The following PHF20L1 variants were observed in gnomAD, a reference collection of about 807,000 sequenced individuals.
PHF20L1 encodes the protein PHD finger protein 20-like protein 1.
PHF20L1 carries 44 observed loss-of-function variants against 125.5 expected under a neutral mutation model. The ratio of observed to expected loss-of-function variants is 0.35; its 90% confidence interval spans 0.28 to 0.45. The LOEUF is 0.45. PHF20L1 is among the 20% of genes least tolerant of loss of function. The probability of loss-of-function intolerance (pLI) is 1.00; values close to 1 mark genes in which losing one functional copy is unlikely to be tolerated. For synonymous variants in PHF20L1, 380 were observed against 403.1 expected (o/e 0.94, Z 0.69); for missense variants, 1,012 against 1,217.2 (o/e 0.83, Z 2.51).
chr8:132,845,676 A>G, intron 20 of PHF20L1, 105 bp from the exon 21 acceptor site: 1 of 758,232 alleles, frequency 1.3e-6, no homozygotes. Flanking sequence ...AAAGATGGGG[A>G]AGTGAACCCT....
chr8:132,843,844 A>C, intron 19 of PHF20L1: 2 of 985,146 alleles, frequency 2.0e-6, no homozygotes, highest in South Asian at 9.4e-5. Context: ...GGAAGAGGCC[A>C]GTCTAAATTA....
At chr8:132,814,163 A>G (rs551440449) in intron 9 of PHF20L1, among the ~76,000 whole-genome samples, 18 of 152,038 alleles carry the variant, frequency 1.2e-4, no homozygotes, top group Admixed American at 5.3e-4. Context: ...CTTTCTTTAA[A>G]GGGAATCTGT....
At chr8:132,824,687 G>A (rs1004873020) in intron 13 of PHF20L1, 1 of 172,696 alleles carries the variant, frequency 5.8e-6, no homozygotes, top group Admixed American at 5.5e-5. Flanking sequence ...ACATATGATT[G>A]GGGAAAAGAA....
In PHF20L1 at chr8:132,846,131, C is replaced by T; in HGVS notation, c.*208C>T. On this transcript the variant is annotated 3_prime_UTR_variant, in exon 21 of 21. Transcript: ENST00000395386. ...ATTTAAAAACAAATTCATGAGCAAG[C>T]TGCAAATGAGAATGTGTTATATGCC... The T allele has an allele frequency of 2.1e-6, 1 of 485,912 alleles. No homozygotes were observed. Among genetic ancestry groups the T allele is most frequent in the South Asian group, 3.5e-5 (1 of 28,644 alleles). The allele number at this position is 485,912 out of a possible 1,614,324, so 30.1% of individuals were successfully genotyped here.
rs1837583497 is a variant in PHF20L1 at position 132,838,270 on chromosome 8, T to C, written c.2191+459T>C. 5 of 177,426 alleles carry C rather than the reference T, an allele frequency of 2.8e-5. No homozygotes were observed. The South Asian group carries it at 6.3e-4, about 22-fold the overall frequency. The allele number at this position is 177,426 out of a possible 1,614,324, so 11.0% of individuals were successfully genotyped here. ...CTGGAGAAGAATTAATTAGCCTCTG[T>C]TCCTCTGTATCCATTTCTAGCTAGG... On this transcript the variant is annotated intron_variant, in intron 17 of 20. Transcript: ENST00000395386.
At chr8:132,812,144 CTT>C (rs1834463719) in intron 9 of PHF20L1, 1 of 979,908 alleles carries the variant, frequency 1.0e-6, no homozygotes, top group Non-Finnish European at 1.2e-6. Context: ...ACGGTTAAGT[CTT>C]TGCCGTTATT....
intron 4 of PHF20L1, among the ~76,000 whole-genome samples, chr8:132,796,019 G>A (rs1032692450): frequency 1.3e-5 from 2 of 152,060 alleles, no homozygotes; most frequent in African/African-American, 4.8e-5. Flanking sequence ...GGGGATTTCT[G>A]TATTCATTGT....
intron 2 of PHF20L1, among the ~76,000 whole-genome samples, chr8:132,788,032 C>T (rs1412923806): frequency 3.3e-5 from 5 of 151,978 alleles, no homozygotes; most frequent in African/African-American, 1.2e-4. Flanking sequence ...AATTGTTAGT[C>T]CTAGATCCCT....
rs189241754 is a variant in PHF20L1 at position 132,846,789 on chromosome 8, A to G, written c.*866A>G. The G allele has an allele frequency of 1.3e-5, 2 of 152,184 alleles. No homozygotes were observed. Among genetic ancestry groups the G allele is most frequent in the Non-Finnish European group, 2.9e-5 (2 of 67,900 alleles). 9.4% of individuals were successfully genotyped at this position (152,184 alleles called of 1,614,324 possible). A position where few individuals can be genotyped will look rare whatever the true frequency, so the allele number is the denominator to read the frequency against. On this transcript the variant is annotated 3_prime_UTR_variant, in exon 21 of 21. Coordinates refer to ENST00000395386, the MANE Select transcript of PHF20L1 (RefSeq NM_016018.5). ...AGTTGAATGGCAGTATTCAGGCTCA[A>G]CGTACAGTTTGATCCTGAGTATGCT...
chr8:132,784,950 C>T (rs1830848541), intron 2 of PHF20L1, among the ~76,000 whole-genome samples: 1 of 152,106 alleles, frequency 6.6e-6, no homozygotes, highest in African/African-American at 2.4e-5. Flanking sequence ...GTTTATCCAT[C>T]CTAGAGAGCT....
intron 20 of PHF20L1, among the ~76,000 whole-genome samples, chr8:132,845,131 A>G (rs1270102718): frequency 6.6e-6 from 1 of 152,094 alleles, no homozygotes; most frequent in Non-Finnish European, 1.5e-5. Flanking sequence ...ATGTTTGAAG[A>G]AAAGAAAATG....
intron 12 of PHF20L1, among the ~76,000 whole-genome samples, chr8:132,820,348 G>A (rs936670828): frequency 6.6e-6 from 1 of 151,758 alleles, no homozygotes; most frequent in African/African-American, 2.4e-5. Context: ...GTTCTCACAG[G>A]CACCTTGGGC....
rs1587125625 is a variant in PHF20L1, at chr8:132,848,562, C to T, written c.*2639C>T. ...AGAATGAGCATTGGTAGAGAAGGCT[C>T]CCTCTTGGTATGTTACTGATAAACT... On this transcript the variant is annotated 3_prime_UTR_variant, in exon 21 of 21. Transcript: ENST00000395386. 6.6e-6 allele frequency: 1 copy of T among 152,644 alleles called. No homozygotes were observed. Among genetic ancestry groups the T allele is most frequent in the South Asian group, 2.1e-4 (1 of 4,824 alleles). 9.5% of individuals were successfully genotyped at this position (152,644 alleles called of 1,614,324 possible). A position where few individuals can be genotyped will look rare whatever the true frequency, so the allele number is the denominator to read the frequency against.
At chr8:132,798,308 G>T (rs1832653625) in intron 4 of PHF20L1, among the ~76,000 whole-genome samples, 2 of 151,920 alleles carry the variant, frequency 1.3e-5, no homozygotes, top group African/African-American at 2.4e-5. Flanking sequence ...TTTCCAGTTT[G>T]TTGTTATTGC....
chr8:132,837,695 TC>T lies in PHF20L1; in HGVS notation c.2092-15del. The T allele has an allele frequency of 4.4e-6, 7 of 1,592,172 alleles. No homozygotes were observed. Among genetic ancestry groups the T allele is most frequent in the Non-Finnish European group, 6.0e-6 (7 of 1,160,842 alleles). ...AGTGAGGATCGGGTGACTGTAATAC[TC>T]CTCTGTTTTCTGCAGTGTGAAGAGT... is the stretch of plus-strand genomic sequence containing the variant. On this transcript the variant is annotated splice_polypyrimidine_tract_variant and intron_variant, in intron 16 of 20. Coordinates refer to ENST00000395386, the MANE Select transcript of PHF20L1 (RefSeq NM_016018.5).
intron 8 of PHF20L1, 59 bp downstream of exon 8, chr8:132,804,799 AT>A (rs1833493006): frequency 2.8e-6 from 4 of 1,406,326 alleles, no homozygotes; most frequent in Non-Finnish European, 3.9e-6. Flanking sequence ...TTTTAGAGTA[AT>A]TTATTTTTAA....
chr8:132,793,846 A>C (rs1036248405), intron 2 of PHF20L1, among the ~76,000 whole-genome samples: 4 of 152,208 alleles, frequency 2.6e-5, no homozygotes, highest in African/African-American at 9.6e-5. Context: ...GACAGTGTAC[A>C]TGCTGATGTA....
chr8:132,815,341 A>G (rs935829113), intron 10 of PHF20L1: 4 of 150,070 alleles, frequency 2.7e-5, no homozygotes, highest in East Asian at 4.0e-4. Flanking sequence ...CTTTTTAATG[A>G]AAAAAAAATG....
chr8:132,803,558 T>C (rs940898809), intron 6 of PHF20L1: 118 of 380,454 alleles, frequency 3.1e-4, no homozygotes, highest in Non-Finnish European at 9.4e-5. Flanking sequence ...TAGATTTTAT[T>C]CCTGTGAAAA....
Sources: allele counts gnomAD v4.1 joint callset (sites outside exome capture counted in the v4.1 genomes callset), GRCh38; gene constraint gnomAD v4.1.1; transcripts MANE v1.5; gene names NCBI Gene and HGNC (gene_info 2026-07-23, HGNC 2026-07-21).